Variants in FSTL5 observed in about 807,000 individuals in gnomAD.
FSTL5 encodes the protein follistatin like 5, also known as follistatin-related protein 5.
A neutral mutation model predicts 89.1 loss-of-function variants in FSTL5; 62 were observed. The observed-to-expected ratio is 0.70, with a 90% CI of 0.57 to 0.86. FSTL5 has a LOEUF of 0.86. Ranked by LOEUF, FSTL5 falls within the 40% of genes least tolerant of loss-of-function variation. FSTL5 has a pLI of 0.00. For missense variants in FSTL5, 1,057 were observed against 1,001.6 expected (o/e 1.06, Z -0.75); for synonymous variants, 383 against 346.2 (o/e 1.11, Z -1.18).
intron 13 of FSTL5, among the ~76,000 whole-genome samples, chr4:161,476,185 T>TGTTG (rs1454669080): frequency 1.1e-5 from 1 of 90,584 alleles, no homozygotes; most frequent in African/African-American, 3.8e-5. Flanking sequence ...TTTTTTTTTT[T>TGTTG]TTTGTTTGTT....
intron 6 of FSTL5, among the ~76,000 whole-genome samples, chr4:161,728,677 TTC>T (rs1388730007): frequency 2.6e-5 from 4 of 152,090 alleles, no homozygotes; most frequent in African/African-American, 9.7e-5. Flanking sequence ...CAAAAGTTAT[TTC>T]CTAGGAAAAC....
intron 7 of FSTL5, among the ~76,000 whole-genome samples, chr4:161,620,887 T>C (rs1162419048): frequency 6.6e-6 from 1 of 152,214 alleles, no homozygotes; most frequent in East Asian, 1.9e-4. Context: ...ATTCAAGATA[T>C]ATGAAGCAAA....
intron 11 of FSTL5, among the ~76,000 whole-genome samples, chr4:161,500,440 A>T (rs1187125469): frequency 6.6e-6 from 1 of 152,162 alleles, no homozygotes; most frequent in East Asian, 1.9e-4. Context: ...TATCTTGGAT[A>T]CCTTCCCCAC....
At chr4:161,432,897 G>C (rs755488709) in intron 15 of FSTL5, among the ~76,000 whole-genome samples, 1 of 151,820 alleles carries the variant, frequency 6.6e-6, no homozygotes, top group Non-Finnish European at 1.5e-5. Flanking sequence ...ATTCAAACCT[G>C]AACATACTAA....
Position 161,418,054 on chromosome 4 carries a change from G to A in FSTL5, c.1842-31605C>T, listed in dbSNP as rs139115978. 4.7e-4 allele frequency among the ~76,000 whole-genome samples: 72 copies of A among 152,246 alleles called. No homozygotes were observed. In the Middle Eastern group the frequency reaches 0.017, roughly 36 times the overall value. On this transcript the variant is annotated intron_variant, in intron 15 of 15. Coordinates refer to ENST00000306100, the MANE Select transcript of FSTL5 (RefSeq NM_020116.5). The stretch of plus-strand genomic sequence containing the variant: ...TACTGACTATGTGAAGCTTACAAGT[G>A]CTCCCAATGTCTGGGTGGGTTTAGC...
chr4:162,071,546 T>C (rs1329486904), intron 2 of FSTL5, among the ~76,000 whole-genome samples: 1 of 151,688 alleles, frequency 6.6e-6, no homozygotes, highest in Admixed American at 6.6e-5. Context: ...CAATAAGAGT[T>C]TAGGACTTCA....
intron 2 of FSTL5, among the ~76,000 whole-genome samples, chr4:162,087,367 T>C (rs1730361749): frequency 6.6e-6 from 1 of 152,074 alleles, no homozygotes; most frequent in South Asian, 2.1e-4. Flanking sequence ...GAAAACTTAA[T>C]TTTGGTTATG....
chr4:162,069,793 T>C (rs1246278684), intron 2 of FSTL5, among the ~76,000 whole-genome samples: 1 of 151,996 alleles, frequency 6.6e-6, no homozygotes, highest in African/African-American at 2.4e-5. Flanking sequence ...CATTTATCTG[T>C]TGGCAGACAC....
At chr4:161,612,941 T>C (rs981546151) in intron 7 of FSTL5, among the ~76,000 whole-genome samples, 23 of 37,488 alleles carry the variant, frequency 6.1e-4, no homozygotes, top group Admixed American at 5.7e-3. Context: ...ATTAGTGCTC[T>C]TTTTTTTTTA....
intron 1 of FSTL5, among the ~76,000 whole-genome samples, chr4:162,134,941 C>T (rs996454565): frequency 6.6e-6 from 1 of 152,202 alleles, no homozygotes; most frequent in African/African-American, 2.4e-5. Context: ...ATGTCAGCTG[C>T]TAAACTGGTG....
At chr4:161,395,068 G>C (rs1730951295) in intron 15 of FSTL5, among the ~76,000 whole-genome samples, 1 of 152,076 alleles carries the variant, frequency 6.6e-6, no homozygotes, top group Non-Finnish European at 1.5e-5. Context: ...CTAGAAGCAG[G>C]TATTCTAAAA....
At chr4:162,147,884 A>G (rs1434419712) in intron 1 of FSTL5, among the ~76,000 whole-genome samples, 1 of 152,170 alleles carries the variant, frequency 6.6e-6, no homozygotes, top group East Asian at 1.9e-4. Flanking sequence ...AGGCACCTGT[A>G]ATCCCAGCTA....
At chr4:161,719,624 T>C (rs909773635) in intron 6 of FSTL5, among the ~76,000 whole-genome samples, 24 of 152,184 alleles carry the variant, frequency 1.6e-4, no homozygotes, top group African/African-American at 5.5e-4. Context: ...CAAGATTCCT[T>C]TCCTTTTATG....
chr4:161,795,463 T>A (rs1729605541), intron 4 of FSTL5, among the ~76,000 whole-genome samples: 1 of 151,840 alleles, frequency 6.6e-6, no homozygotes, highest in African/African-American at 2.4e-5. Flanking sequence ...TGAAATAAAA[T>A]GAGATTTTAT....
chr4:162,063,853 A>G (rs1738800827), intron 2 of FSTL5, among the ~76,000 whole-genome samples: 1 of 151,950 alleles, frequency 6.6e-6, no homozygotes, highest in African/African-American at 2.4e-5. Context: ...CTTATAAAGC[A>G]AATTCTTACA....
At chr4:161,644,477 G>A (rs116220358) in intron 7 of FSTL5, among the ~76,000 whole-genome samples, 2,527 of 151,850 alleles carry the variant, frequency 0.017, 76 homozygotes, top group African/African-American at 0.057. Flanking sequence ...AGTGAGCCGA[G>A]GCCGCACCAT....
Position 161,510,418 on chromosome 4 carries a change from T to C in FSTL5, c.1319A>G (p.Asn440Ser). ...VEDSARKTLA[N>S]ILWREEGLGI... Reference sequence around the variant, plus strand: ...AGTACCTTCTTCTCTCCATAATATGTTAGCTACTGCAGCATGTTGAAAGAA... The same window carrying C: ...AGTACCTTCTTCTCTCCATAATATGCTAGCTACTGCAGCATGTTGAAAGAA... The change falls in exon 11 of 16, where the codon AAC becomes AGC. Residue 440 changes from asparagine to serine, a missense_variant. Transcript: ENST00000306100. 1 of 1,537,548 alleles carries C rather than the reference T, an allele frequency of 6.5e-7. No individual in the cohort carries two copies. The highest frequency in any genetic ancestry group is 8.8e-7 in the Non-Finnish European group (1 of 1,142,240).
intron 2 of FSTL5, among the ~76,000 whole-genome samples, chr4:162,087,823 T>C (rs1445466699): frequency 2.0e-5 from 3 of 152,180 alleles, no homozygotes; most frequent in Non-Finnish European, 4.4e-5. Flanking sequence ...AATTGTGTAC[T>C]TGACAGAATC....
chr4:161,612,215 AATAAG>A (rs1734678794), intron 7 of FSTL5, among the ~76,000 whole-genome samples: 1 of 152,272 alleles, frequency 6.6e-6, no homozygotes, highest in Non-Finnish European at 1.5e-5. Context: ...AAGAGAAAGC[AATAAG>A]ATAAAATATA....
Sources: allele counts gnomAD v4.1 joint callset (sites outside exome capture counted in the v4.1 genomes callset), GRCh38; gene constraint gnomAD v4.1.1; transcripts MANE v1.5; gene names NCBI Gene and HGNC (gene_info 2026-07-23, HGNC 2026-07-21).